The following DLGAP2 variants were observed in gnomAD, a reference collection of about 807,000 sequenced individuals.
The protein encoded by DLGAP2 is disks large-associated protein 2.
In DLGAP2, 26 loss-of-function variants were observed where a neutral mutation model predicts 100.3. The observed-to-expected ratio is 0.26, with a 90% CI of 0.19 to 0.36. DLGAP2 has a LOEUF of 0.36. Ranked by LOEUF, DLGAP2 falls within the 10% of genes least tolerant of loss-of-function variation. The probability of loss-of-function intolerance (pLI) is 1.00; values close to 1 mark genes in which losing one functional copy is unlikely to be tolerated. For missense variants in DLGAP2, 1,858 were observed against 1,453.2 expected (o/e 1.28, Z -4.53); for synonymous variants, 886 against 630.1 (o/e 1.41, Z -6.08).
intron 3 of DLGAP2, among the ~76,000 whole-genome samples, chr8:1,285,168 G>A (rs1461593816): frequency 6.6e-6 from 1 of 152,142 alleles, no homozygotes; most frequent in East Asian, 1.9e-4. Context: ...GTATTTTTCT[G>A]AGTGTTCTGT....
chr8:879,066 A>G (rs1797736265), intron 1 of DLGAP2, among the ~76,000 whole-genome samples: 1 of 152,206 alleles, frequency 6.6e-6, no homozygotes, highest in South Asian at 2.1e-4. Context: ...TGTGTGTGAA[A>G]GCAACTTGAT....
chr8:977,171 G>C (rs1800187175), intron 2 of DLGAP2, among the ~76,000 whole-genome samples: 1 of 152,184 alleles, frequency 6.6e-6, no homozygotes, highest in African/African-American at 2.4e-5. Flanking sequence ...CTCCCCTCCT[G>C]AAATGTTGCA....
intron 3 of DLGAP2, among the ~76,000 whole-genome samples, chr8:1,488,911 C>T (rs1251160701): frequency 2.6e-5 from 4 of 152,160 alleles, no homozygotes; most frequent in Non-Finnish European, 5.9e-5. Context: ...TAAGCAAATG[C>T]AGGCATGTCA....
chr8:959,789 A>C (rs1422793660), intron 2 of DLGAP2, among the ~76,000 whole-genome samples: 2 of 152,210 alleles, frequency 1.3e-5, no homozygotes, highest in African/African-American at 4.8e-5. Context: ...AAGAGGAGAG[A>C]ATATGACTAT....
At chr8:1,241,182 TCTC>T (rs1173900680) in intron 2 of DLGAP2, among the ~76,000 whole-genome samples, 611 of 22,654 alleles carry the variant, frequency 0.027, 8 homozygotes, top group African/African-American at 0.045. Context: ...TGGCGCCGTG[TCTC>T]GTTCTCTCAC....
At chr8:1,600,086 G>C (rs1796578566) in intron 6 of DLGAP2, among the ~76,000 whole-genome samples, 1 of 152,122 alleles carries the variant, frequency 6.6e-6, no homozygotes, top group Non-Finnish European at 1.5e-5. Flanking sequence ...ATATCTCCCA[G>C]CATTTGCTTG....
intron 2 of DLGAP2, among the ~76,000 whole-genome samples, chr8:1,212,995 G>A (rs1019256748): frequency 3.3e-5 from 5 of 151,778 alleles, no homozygotes; most frequent in Admixed American, 1.3e-4. Flanking sequence ...TTGCTCTTAC[G>A]GCAGAGATTT....
At chr8:1,466,826 A>G (rs1798640437) in intron 3 of DLGAP2, among the ~76,000 whole-genome samples, 1 of 152,140 alleles carries the variant, frequency 6.6e-6, no homozygotes, top group East Asian at 1.9e-4. Context: ...GCCAGAACCT[A>G]GGAGCTACCA....
intron 1 of DLGAP2, among the ~76,000 whole-genome samples, chr8:897,675 C>G (rs530428909): frequency 1.1e-4 from 17 of 152,154 alleles, no homozygotes; most frequent in Non-Finnish European, 2.9e-5. Flanking sequence ...CCCCGGCAGC[C>G]GCTCTCCTCC....
chr8:1,025,962 C>A (rs1250185626), intron 2 of DLGAP2, among the ~76,000 whole-genome samples: 1 of 152,238 alleles, frequency 6.6e-6, no homozygotes, highest in Non-Finnish European at 1.5e-5. Flanking sequence ...GGACGCACAT[C>A]TGGGCTCCAG....
chr8:1,393,004 G>A (rs1430995172), intron 3 of DLGAP2, among the ~76,000 whole-genome samples: 1 of 70,416 alleles, frequency 1.4e-5, no homozygotes, highest in Non-Finnish European at 2.8e-5. Flanking sequence ...GGCATTCGAG[G>A]TTTTCAGAAC....
At chr8:1,160,040 G>A (rs1322012118) in intron 2 of DLGAP2, among the ~76,000 whole-genome samples, 2 of 152,182 alleles carry the variant, frequency 1.3e-5, no homozygotes, top group African/African-American at 4.8e-5. Flanking sequence ...GATGACCGTC[G>A]TCGTAAACTG....
intron 2 of DLGAP2, among the ~76,000 whole-genome samples, chr8:1,201,282 C>T (rs563729687): frequency 6.6e-6 from 1 of 152,174 alleles, no homozygotes; most frequent in Non-Finnish European, 1.5e-5. Context: ...AGCCGAAGTC[C>T]CCAGCATCCC....
At chr8:1,621,196 C>T (rs1389543298) in intron 6 of DLGAP2, 1 of 152,194 alleles carries the variant, frequency 6.6e-6, no homozygotes, top group Non-Finnish European at 1.5e-5. Context: ...CCTTTGGTGG[C>T]ACATCCTTCA....
intron 2 of DLGAP2, among the ~76,000 whole-genome samples, chr8:1,024,251 CG>C (rs1801720570): frequency 7.1e-6 from 1 of 141,068 alleles, no homozygotes; most frequent in African/African-American, 2.6e-5. Context: ...AGCCCCGTGC[CG>C]AGGCAGACAC....
chr8:1,126,105 T>C lies in DLGAP2; in HGVS notation c.74-132746T>C, dbSNP rs146232108. ...GAAATCAATGACTAAAATCCCAGTG[T>C]CTGATGGCCCCTGCGGTGAATACGT... On this transcript the variant is annotated intron_variant, in intron 2 of 14. Coordinates refer to ENST00000637795, the MANE Select transcript of DLGAP2 (RefSeq NM_001346810.2). Among the ~76,000 whole-genome samples, 65 of 152,336 alleles carry C rather than the reference T, an allele frequency of 4.3e-4. 1 individual carries two copies. Among genetic ancestry groups the C allele is most frequent in the African/African-American group, 1.5e-3 (62 of 41,584 alleles).
chr8:1,530,520 G>A (rs751241826), intron 4 of DLGAP2, among the ~76,000 whole-genome samples: 6 of 152,096 alleles, frequency 3.9e-5, no homozygotes, highest in Non-Finnish European at 7.3e-5. Context: ...GTCCTGAGGC[G>A]ACATACATTC....
At chr8:1,464,555 A>ACTCCCTTCCAGGACGG (rs1798567013) in intron 3 of DLGAP2, among the ~76,000 whole-genome samples, 1 of 140,506 alleles carries the variant, frequency 7.1e-6, no homozygotes, top group Non-Finnish European at 1.6e-5. Context: ...TTCCAGGACG[A>ACTCCCTTCCAGGACGG]CTCCCTTCCA....
intron 3 of DLGAP2, among the ~76,000 whole-genome samples, chr8:1,432,181 C>T (rs899541342): frequency 6.6e-6 from 1 of 152,218 alleles, no homozygotes; most frequent in African/African-American, 2.4e-5. Context: ...AAGTGTTTCT[C>T]TTTCTGCTTT....
Sources: allele counts gnomAD v4.1 joint callset (sites outside exome capture counted in the v4.1 genomes callset), GRCh38; gene constraint gnomAD v4.1.1; transcripts MANE v1.5; gene names NCBI Gene and HGNC (gene_info 2026-07-23, HGNC 2026-07-21).